Variants in ACP3 observed in about 807,000 individuals in gnomAD.
ACP3 encodes the protein acid phosphatase 3.
Under a neutral mutation model 45.6 loss-of-function variants are expected in ACP3, and 38 were observed. The ratio of observed to expected loss-of-function variants is 0.83; its 90% CI spans 0.64 to 1.09. The LOEUF is 1.09. ACP3 is among the 50% of genes least tolerant of loss of function. ACP3 has a pLI of 0.00. For synonymous variants in ACP3, 162 were observed against 164.7 expected, an observed-to-expected ratio of 0.98 and a Z score of 0.13; for missense variants, 466 against 463.2, an observed-to-expected ratio of 1.01 and a Z score of -0.05.
chr3:132,345,651 T>C (rs1937600930), intron 7 of ACP3, among the ~76,000 whole-genome samples: 1 of 152,252 alleles, frequency 6.6e-6, no homozygotes, highest in African/African-American at 2.4e-5. Context: ...TTGAAATTTT[T>C]CATTGACATT....
In ACP3 at chr3:132,332,305, G is replaced by A; in HGVS notation, c.417G>A (p.Gln139=). Residue 139 remains glutamine (Q), a synonymous_variant, in exon 4 of 10, where the codon CAG becomes CAA. Coordinates refer to ENST00000336375, the MANE Select transcript of ACP3 (RefSeq NM_001099.5). ...VSIWNPILLW[Q]PIPVHTVPLS... ...TCTGGAATCCTATCCTACTCTGGCAGCCCATCCCGGTGCACACAGTTCCTC... is the reference window on the plus strand; with the variant it reads ...TCTGGAATCCTATCCTACTCTGGCAACCCATCCCGGTGCACACAGTTCCTC... 1 of 1,614,128 alleles carries A rather than the reference G, an allele frequency of 6.2e-7. No individual in the cohort carries two copies. The highest frequency in any genetic ancestry group is 8.5e-7 in the Non-Finnish European group (1 of 1,180,012).
At chr3:132,324,176 C>T (rs186815213) in intron 1 of ACP3, among the ~76,000 whole-genome samples, 6 of 150,424 alleles carry the variant, frequency 4.0e-5, no homozygotes, top group Non-Finnish European at 7.4e-5. Flanking sequence ...CAAGATCATG[C>T]CATTGCACTC....
chr3:132,343,275 C>T (rs895558108), intron 6 of ACP3, among the ~76,000 whole-genome samples: 2 of 152,136 alleles, frequency 1.3e-5, no homozygotes, highest in Non-Finnish European at 2.9e-5. Flanking sequence ...ATTCTGACCA[C>T]CCACCTAATT....
intron 1 of ACP3, among the ~76,000 whole-genome samples, chr3:132,327,984 A>G (rs1208645689): frequency 1.3e-5 from 2 of 152,174 alleles, no homozygotes; most frequent in Non-Finnish European, 2.9e-5. Flanking sequence ...CATTACCTGA[A>G]ACACAGTGAA....
intron 8 of ACP3, among the ~76,000 whole-genome samples, chr3:132,351,132 G>T (rs1473504098): frequency 6.6e-6 from 1 of 152,178 alleles, no homozygotes; most frequent in Non-Finnish European, 1.5e-5. Context: ...TTAGGCAATG[G>T]GTTTGAAATG....
chr3:132,319,986 T>C (rs1477852790), intron 1 of ACP3, among the ~76,000 whole-genome samples: 2 of 152,226 alleles, frequency 1.3e-5, no homozygotes, highest in African/African-American at 4.8e-5. Flanking sequence ...TCGGACTAAC[T>C]GAAGTGCCTG....
Position 132,366,467 on chromosome 3 carries a change from A to T in ACP3, c.1139-1237A>T, listed in dbSNP as rs145835509. ...TATATTTTTCAGTAAGACCAATAGGATTTCCTGATAGTGTAAGCTGTGAGA... is the reference window on the plus strand; with the variant it reads ...TATATTTTTCAGTAAGACCAATAGGTTTTCCTGATAGTGTAAGCTGTGAGA... On this transcript the variant is annotated intron_variant, in intron 10 of 10. Transcript: ENST00000351273. Among the ~76,000 whole-genome samples the T allele has an allele frequency of 5.1e-3, 775 of 152,296 alleles. 7 individuals carry two copies. The highest frequency in any genetic ancestry group is 0.018 in the African/African-American group (742 of 41,546).
chr3:132,336,579 T>C (rs1937494657), intron 4 of ACP3, among the ~76,000 whole-genome samples: 1 of 152,128 alleles, frequency 6.6e-6, no homozygotes, highest in South Asian at 2.1e-4. Flanking sequence ...TTTAATATGA[T>C]AGAGGCTGGG....
chr3:132,323,819 T>C (rs1008517589), intron 1 of ACP3, among the ~76,000 whole-genome samples: 1 of 152,170 alleles, frequency 6.6e-6, no homozygotes, highest in African/African-American at 2.4e-5. Context: ...CAAAGAGCAA[T>C]AGAACATGAT....
chr3:132,328,271 T>A lies in ACP3; in HGVS notation c.125T>A (p.Phe42Tyr), dbSNP rs1250054376. 6.2e-7 allele frequency: 1 copy of A among 1,613,588 alleles called. No individual in the cohort carries two copies. The highest frequency in any genetic ancestry group is 1.1e-5 in the South Asian group (1 of 91,058). ...CTCTCTCACATCTACTTTCAGGTGTTTCGGCATGGAGACCGAAGTCCCATT... is the reference window on the plus strand; with the variant it reads ...CTCTCTCACATCTACTTTCAGGTGTATCGGCATGGAGACCGAAGTCCCATT... ...AKELKFVTLV[F>Y]RHGDRSPIDT... The change falls in exon 2 of 10, where the codon TTT (phenylalanine) becomes TAT (tyrosine). Residue 42 changes from phenylalanine to tyrosine, a missense_variant. By Grantham distance (22) the Phe-to-Tyr change is conservative. Coordinates refer to ENST00000336375, the MANE Select transcript of ACP3 (RefSeq NM_001099.5).
intron 6 of ACP3, among the ~76,000 whole-genome samples, chr3:132,342,901 T>A (rs1211732497): frequency 7.6e-6 from 1 of 131,026 alleles, no homozygotes; most frequent in Non-Finnish European, 1.7e-5. Context: ...GTTTCCACTT[T>A]AGTTTTTTCC....
At chr3:132,352,008 T>C (rs926478894) in intron 8 of ACP3, among the ~76,000 whole-genome samples, 1 of 152,186 alleles carries the variant, frequency 6.6e-6, no homozygotes, top group African/African-American at 2.4e-5. Flanking sequence ...TTCCACAACT[T>C]TAAATCACAG....
At chr3:132,325,207 G>C (rs61793790) in intron 1 of ACP3, among the ~76,000 whole-genome samples, 7,582 of 152,246 alleles carry the variant, frequency 0.05, 251 homozygotes, top group Non-Finnish European at 0.05. Context: ...ACATTTGCCT[G>C]CGGGAGGGGT....
intron 8 of ACP3, among the ~76,000 whole-genome samples, chr3:132,350,625 C>CAAAT (rs1320901148): frequency 6.6e-6 from 1 of 152,156 alleles, no homozygotes; most frequent in Non-Finnish European, 1.5e-5. Context: ...TTGGAGAGCA[C>CAAAT]AGATATACAA....
chr3:132,318,886 T>C (rs988513518), intron 1 of ACP3, among the ~76,000 whole-genome samples: 1 of 152,204 alleles, frequency 6.6e-6, no homozygotes, highest in Admixed American at 6.5e-5. Flanking sequence ...GGCAGTCCTC[T>C]GAGAAATCCA....
intron 9 of ACP3, among the ~76,000 whole-genome samples, chr3:132,355,281 T>G (rs888758814): frequency 6.6e-6 from 1 of 152,180 alleles, no homozygotes; most frequent in African/African-American, 2.4e-5. Flanking sequence ...CAACGTAGTC[T>G]TGGCAATGTG....
At chr3:132,360,941 C>T (rs2107822570), downstream of ACP3, among the ~76,000 whole-genome samples, 1 of 152,300 alleles carries the variant, frequency 6.6e-6, no homozygotes, top group South Asian at 2.1e-4. Flanking sequence ...GCCCTGCATA[C>T]CTAGCATGGC....
chr3:132,338,364 C>CT (rs892111754), intron 5 of ACP3, among the ~76,000 whole-genome samples: 2 of 149,720 alleles, frequency 1.3e-5, no homozygotes, highest in Admixed American at 6.7e-5. Context: ...CTTTCTTTTC[C>CT]TTTTTTTTAA....
At chr3:132,356,312 G>A (rs1245658331) in intron 9 of ACP3, among the ~76,000 whole-genome samples, 1 of 152,048 alleles carries the variant, frequency 6.6e-6, no homozygotes. Flanking sequence ...GAGCAAATGA[G>A]AAGCCTAAAA....
Sources: allele counts gnomAD v4.1 joint callset (sites outside exome capture counted in the v4.1 genomes callset), GRCh38; gene constraint gnomAD v4.1.1; transcripts MANE v1.5; gene names NCBI Gene and HGNC (gene_info 2026-07-23, HGNC 2026-07-21).